Variants in KCNJ6 observed in about 807,000 individuals in gnomAD.
The protein encoded by KCNJ6 is potassium inwardly rectifying channel subfamily J member 6, also known as G protein-activated inward rectifier potassium channel 2.
In KCNJ6, 9 loss-of-function variants were observed where a neutral mutation model predicts 34.2. The ratio of observed to expected loss-of-function variants is 0.26; its 90% CI spans 0.16 to 0.46. The LOEUF is 0.46. KCNJ6 is among the 20% of genes least tolerant of loss of function. The pLI is 1.00. For synonymous variants in KCNJ6, 196 were observed against 207.1 expected, an observed-to-expected ratio of 0.95 and a Z score of 0.46; for missense variants, 236 against 531.3, an observed-to-expected ratio of 0.44 and a Z score of 5.46.
At chr21:37,901,340 C>G (rs7280007) in intron 1 of KCNJ6, among the ~76,000 whole-genome samples, 8 of 152,310 alleles carry the variant, frequency 5.3e-5, no homozygotes, top group African/African-American at 1.9e-4. Context: ...TTAGGCTATA[C>G]CCAAAATACA....
chr21:37,840,730 C>A, intron 1 of KCNJ6, 21 bp from the exon 2 acceptor site: 1 of 1,355,422 alleles, frequency 7.4e-7, no homozygotes, highest in East Asian at 2.3e-5. Flanking sequence ...GAAGAAAAGA[C>A]AATTATCTGT....
chr21:37,638,944 C>T (rs1188068105), intron 3 of KCNJ6, among the ~76,000 whole-genome samples: 1 of 152,218 alleles, frequency 6.6e-6, no homozygotes, highest in Non-Finnish European at 1.5e-5. Context: ...ATCCTTAACT[C>T]TACTGAGGAA....
chr21:37,689,822 C>T (rs1347529425), intron 3 of KCNJ6, among the ~76,000 whole-genome samples: 1 of 151,872 alleles, frequency 6.6e-6, no homozygotes, highest in African/African-American at 2.4e-5. Flanking sequence ...GACTTTCACC[C>T]ACACCATTGC....
intron 3 of KCNJ6, among the ~76,000 whole-genome samples, chr21:37,703,466 G>A (rs762934157): frequency 2.6e-5 from 4 of 152,226 alleles, no homozygotes; most frequent in Non-Finnish European, 5.9e-5. Context: ...CTAAGGGGGA[G>A]ATGGTGTTGA....
chr21:37,796,579 G>A (rs1287485611), intron 2 of KCNJ6, among the ~76,000 whole-genome samples: 1 of 152,032 alleles, frequency 6.6e-6, no homozygotes, highest in African/African-American at 2.4e-5. Flanking sequence ...GTCCCTCCTG[G>A]TTCTCATACT....
intron 2 of KCNJ6, among the ~76,000 whole-genome samples, chr21:37,723,727 G>A (rs1252142338): frequency 6.6e-6 from 1 of 152,158 alleles, no homozygotes; most frequent in African/African-American, 2.4e-5. Flanking sequence ...ATTAATGGAT[G>A]TAAAGATAGC....
At chr21:37,791,814 G>A (rs978782202) in intron 2 of KCNJ6, among the ~76,000 whole-genome samples, 1 of 151,934 alleles carries the variant, frequency 6.6e-6, no homozygotes, top group Non-Finnish European at 1.5e-5. Context: ...CATAATAGAT[G>A]TACATAGTTT....
intron 3 of KCNJ6, among the ~76,000 whole-genome samples, chr21:37,644,652 G>A (rs1160426234): frequency 6.6e-6 from 1 of 152,170 alleles, no homozygotes; most frequent in African/African-American, 2.4e-5. Context: ...ATTAAACACA[G>A]CTTACGCCTG....
intron 1 of KCNJ6, among the ~76,000 whole-genome samples, chr21:37,908,877 T>C (rs1372894696): frequency 2.6e-5 from 4 of 152,254 alleles, no homozygotes. Flanking sequence ...CAGACATTTA[T>C]ATCGGGCATG....
At chr21:37,865,731 G>T (rs1003349731) in intron 1 of KCNJ6, among the ~76,000 whole-genome samples, 7 of 152,176 alleles carry the variant, frequency 4.6e-5, no homozygotes, top group East Asian at 1.9e-4. Context: ...TTATGGGGTG[G>T]TTTATAATTT....
At chr21:37,693,963 A>G (rs1344231445) in intron 3 of KCNJ6, among the ~76,000 whole-genome samples, 1 of 152,160 alleles carries the variant, frequency 6.6e-6, no homozygotes, top group Non-Finnish European at 1.5e-5. Flanking sequence ...GAACAAATAT[A>G]ATAAAACTTC....
intron 1 of KCNJ6, among the ~76,000 whole-genome samples, chr21:37,902,852 C>T (rs2055823471): frequency 6.6e-6 from 1 of 152,168 alleles, no homozygotes; most frequent in Non-Finnish European, 1.5e-5. Context: ...GGACATCTAA[C>T]TCAAGAAGCC....
At chr21:37,758,365 G>C (rs575089087) in intron 2 of KCNJ6, among the ~76,000 whole-genome samples, 1 of 152,292 alleles carries the variant, frequency 6.6e-6, no homozygotes, top group African/African-American at 2.4e-5. Context: ...GTTACCCTGC[G>C]CCAGGTGCTG....
At chr21:37,913,500 C>G (rs1162784257) in intron 1 of KCNJ6, among the ~76,000 whole-genome samples, 2 of 152,174 alleles carry the variant, frequency 1.3e-5, no homozygotes, top group African/African-American at 4.8e-5. Context: ...ATATCTCCAC[C>G]CTCTTCAGTC....
chr21:37,642,352 C>T (rs919554589), intron 3 of KCNJ6, among the ~76,000 whole-genome samples: 1 of 151,972 alleles, frequency 6.6e-6, no homozygotes, highest in Non-Finnish European at 1.5e-5. Flanking sequence ...GCTGGAGAGG[C>T]AGTAGAAGAT....
At position 37,650,750 on chromosome 21, in the gene KCNJ6, T is replaced by A. The variant is rs2054429336; in HGVS notation, c.947-25266A>T. On this transcript the variant is annotated intron_variant, in intron 3 of 3. Transcript: ENST00000609713. The stretch of plus-strand genomic sequence containing the variant: ...TACAATTATCAAAAGAATTTTGGCA[T>A]AAGTCTTCCTTCCCCAACTAGGCTG... 2.0e-5 allele frequency among the ~76,000 whole-genome samples: 3 copies of A among 152,240 alleles called. No homozygotes were observed. The South Asian group carries it at 6.2e-4, about 31-fold the overall frequency.
At chr21:37,701,775 T>C (rs2054692293) in intron 3 of KCNJ6, among the ~76,000 whole-genome samples, 1 of 152,168 alleles carries the variant, frequency 6.6e-6, no homozygotes. Context: ...GAAACCCATG[T>C]GGCTGCAACA....
At chr21:37,895,054 C>G (rs1291257313) in intron 1 of KCNJ6, among the ~76,000 whole-genome samples, 1 of 152,180 alleles carries the variant, frequency 6.6e-6, no homozygotes, top group Non-Finnish European at 1.5e-5. Flanking sequence ...ATTACAGATG[C>G]AAGTCATTGT....
chr21:37,641,366 A>C (rs1265268373), intron 3 of KCNJ6, among the ~76,000 whole-genome samples: 1 of 152,140 alleles, frequency 6.6e-6, no homozygotes, highest in African/African-American at 2.4e-5. Flanking sequence ...GGGTTCTGAG[A>C]ACAGAATGAT....
Sources: gnomAD v4.1 joint callset for allele counts (sites outside exome capture counted in the v4.1 genomes callset) on GRCh38, gnomAD v4.1.1 for gene constraint, MANE v1.5 for transcripts, NCBI Gene and HGNC (gene_info 2026-07-23, HGNC 2026-07-21) for gene names.